Variants in LYAR observed in about 807,000 individuals in gnomAD.
LYAR encodes cell growth-regulating nucleolar protein.
In LYAR, 37 loss-of-function variants were observed where a neutral mutation model predicts 45.2. That is an observed-to-expected ratio of 0.82 (90% CI 0.63 to 1.08). The LOEUF (loss-of-function observed/expected upper bound fraction) is 1.08. Among genes scored for constraint, LYAR ranks in the 50% least tolerant of loss-of-function variants. The pLI is 0.00. For synonymous variants in LYAR, 176 were observed against 155.1 expected (o/e 1.14, Z -1.00); for missense variants, 493 against 451.0 (o/e 1.09, Z -0.84).
chr4:4,270,503 GAATA>G (rs1026224172), intron 8 of LYAR, among the ~76,000 whole-genome samples: 17 of 113,244 alleles, frequency 1.5e-4, no homozygotes, highest in Admixed American at 9.1e-4. Context: ...GTACTATTTA[GAATA>G]AATTTAAAAA....
chr4:4,274,908 C>T (rs1022048638), intron 6 of LYAR, 139 bp from the exon 7 acceptor site: 1 of 734,368 alleles, frequency 1.4e-6, no homozygotes, highest in Non-Finnish European at 2.2e-6. Flanking sequence ...ATAACTGTGA[C>T]CCCCACCAAC....
intron 6 of LYAR, among the ~76,000 whole-genome samples, chr4:4,275,291 C>CT (rs1271976737): frequency 1.3e-5 from 2 of 152,192 alleles, no homozygotes. Flanking sequence ...CCGTCATGTG[C>CT]TTATTAGCAT....
chr4:4,284,941 G>A (rs367739876), intron 2 of LYAR, among the ~76,000 whole-genome samples: 10 of 152,188 alleles, frequency 6.6e-5, no homozygotes, highest in African/African-American at 2.4e-4. Context: ...GAATTCCCAT[G>A]CATGAAATCA....
intron 1 of LYAR, among the ~76,000 whole-genome samples, chr4:4,287,783 G>A (rs1270770138): frequency 1.3e-5 from 2 of 151,898 alleles, no homozygotes; most frequent in African/African-American, 4.8e-5. Flanking sequence ...CTCATCCAAA[G>A]AGAAAAAAAA....
intron 6 of LYAR, among the ~76,000 whole-genome samples, chr4:4,277,238 G>C (rs1237211929): frequency 1.3e-5 from 2 of 151,998 alleles, no homozygotes; most frequent in African/African-American, 4.8e-5. Context: ...GTAAAGACAG[G>C]GTTTCACCAT....
chr4:4,268,809 C>T, intron 8 of LYAR, 194 bp from the exon 9 acceptor site: 1 of 503,018 alleles, frequency 2.0e-6, no homozygotes. Context: ...AGGACTGGCT[C>T]TTAAGAGTGA....
At chr4:4,279,211 C>T (rs10937842) in intron 6 of LYAR, among the ~76,000 whole-genome samples, 56,919 of 151,586 alleles carry the variant, frequency 0.38, 11,304 homozygotes, top group East Asian at 0.55. Flanking sequence ...CTCGTGCCTA[C>T]AGTCCCAGCT....
intron 9 of LYAR, 133 bp from the exon 10 acceptor site, chr4:4,268,156 T>A (rs1718789046): frequency 1.2e-6 from 1 of 811,798 alleles, no homozygotes; most frequent in South Asian, 2.9e-5. Context: ...CGGCGTGCTC[T>A]CCTTGGAAAA....
chr4:4,276,199 A>G (rs751562635), intron 6 of LYAR, among the ~76,000 whole-genome samples: 9 of 152,082 alleles, frequency 5.9e-5, no homozygotes, highest in South Asian at 2.1e-4. Flanking sequence ...GTGAGAAACC[A>G]CTGAGCTGAT....
chr4:4,274,259 A>AC (rs1491378682), intron 7 of LYAR, 108 bp downstream of exon 7: 353 of 1,221,812 alleles, frequency 2.9e-4, no homozygotes, highest in East Asian at 5.0e-4. Flanking sequence ...AAAAAAAAAA[A>AC]CCACACACAC....
chr4:4,274,921 C>G (rs1344284615), intron 6 of LYAR, 152 bp from the exon 7 acceptor site: 1 of 680,696 alleles, frequency 1.5e-6, no homozygotes, highest in African/African-American at 1.8e-5. Flanking sequence ...CCACCAACAG[C>G]TAAAATGTAG....
chr4:4,269,176 C>T (rs990939758), intron 8 of LYAR, among the ~76,000 whole-genome samples: 4 of 152,114 alleles, frequency 2.6e-5, no homozygotes, highest in Middle Eastern at 3.2e-3. Context: ...CAGAGCAACA[C>T]GGGGTGAGCT....
chr4:4,288,150 T>G (rs546758528), intron 1 of LYAR, among the ~76,000 whole-genome samples: 1 of 152,184 alleles, frequency 6.6e-6, no homozygotes, highest in Non-Finnish European at 1.5e-5. Flanking sequence ...ATCTAATACC[T>G]AACTCAAAGC....
At chr4:4,284,067 G>C (rs1719512598) in intron 2 of LYAR, among the ~76,000 whole-genome samples, 1 of 152,208 alleles carries the variant, frequency 6.6e-6, no homozygotes, top group Non-Finnish European at 1.5e-5. Flanking sequence ...CCCTATGAGG[G>C]AAGGACTATT....
chr4:4,279,737 A>G lies in LYAR; in HGVS notation c.250T>C (p.Leu84=). ...QQAWIQKISE[L]IKRPNVSPKV... ...GGGCTGACATTGGGTCTCTTTATTA[A>G]TTCACTAATTTTCTACAAAAAGGGA... is the stretch of plus-strand genomic sequence containing the variant. Residue 84 remains leucine, a synonymous_variant, in exon 5 of 10, where the codon TTA becomes CTA. Transcript: ENST00000343470. 1 of 1,597,984 alleles carries G rather than the reference A, an allele frequency of 6.3e-7. No homozygotes were observed. The highest frequency in any genetic ancestry group is 8.5e-7 in the Non-Finnish European group (1 of 1,170,018).
intron 6 of LYAR, among the ~76,000 whole-genome samples, chr4:4,276,765 G>A (rs1034301977): frequency 2.6e-5 from 4 of 151,624 alleles, no homozygotes; most frequent in Admixed American, 2.0e-4. Flanking sequence ...GCTGGGACAG[G>A]AGAATCACTT....
chr4:4,269,389 C>T (rs552417896), intron 8 of LYAR, among the ~76,000 whole-genome samples: 214 of 152,318 alleles, frequency 1.4e-3, no homozygotes, highest in African/African-American at 5.0e-3. Flanking sequence ...CACCCCCACC[C>T]GCACCAGCAA....
chr4:4,284,466 T>C (rs1194735452), intron 2 of LYAR, among the ~76,000 whole-genome samples: 1 of 152,166 alleles, frequency 6.6e-6, no homozygotes, highest in African/African-American at 2.4e-5. Flanking sequence ...TCAGCTGTAA[T>C]GGACAGGGGC....
At chr4:4,269,144 C>A (rs1718829690) in intron 8 of LYAR, among the ~76,000 whole-genome samples, 1 of 152,162 alleles carries the variant, frequency 6.6e-6, no homozygotes, top group African/African-American at 2.4e-5. Context: ...AAGGTAGAGA[C>A]CAGCTGGGAC....
Sources: gnomAD v4.1 joint callset for allele counts (sites outside exome capture counted in the v4.1 genomes callset) on GRCh38, gnomAD v4.1.1 for gene constraint, MANE v1.5 for transcripts, NCBI Gene and HGNC (gene_info 2026-07-23, HGNC 2026-07-21) for gene names.